The following AK8 variants were observed in gnomAD, a reference collection of about 807,000 sequenced individuals.
AK8 encodes the protein ATP-AMP transphosphorylase 8.
A neutral mutation model predicts 54.6 loss-of-function variants in AK8; 44 were observed. The ratio of observed to expected loss-of-function variants is 0.81; its 90% CI spans 0.63 to 1.04. AK8 has a LOEUF of 1.04. Ranked by LOEUF, AK8 falls within the 50% of genes least tolerant of loss-of-function variation. The pLI is 0.00. For missense variants in AK8, 555 were observed against 613.6 expected (o/e 0.90, Z 1.01); for synonymous variants, 239 against 245.6 (o/e 0.97, Z 0.25).
rs1838951132 is a variant in AK8 at position 132,770,962 on chromosome 9, T to C, written c.1121+21672A>G. On this transcript the variant is annotated intron_variant, in intron 11 of 12. Coordinates refer to ENST00000298545, the MANE Select transcript of AK8 (RefSeq NM_152572.3). The surrounding 1 kb of genome is among the most constrained non-coding windows in gnomAD (Gnocchi z 4.3). Reference sequence around the variant, plus strand: ...GCCTCGGCAAACGCAGCACAGGAGATGGGAGGGTCTGGCTGAGCAGGGGGC... The same window carrying C: ...GCCTCGGCAAACGCAGCACAGGAGACGGGAGGGTCTGGCTGAGCAGGGGGC... 6.6e-6 allele frequency among the ~76,000 whole-genome samples: 1 copy of C among 151,778 alleles called. No individual in the cohort carries two copies. The highest frequency in any genetic ancestry group is 1.5e-5 in the Non-Finnish European group (1 of 67,902).
chr9:132,761,010 CT>C (rs1375106995), intron 11 of AK8, among the ~76,000 whole-genome samples: 6 of 151,978 alleles, frequency 3.9e-5, no homozygotes, highest in African/African-American at 1.4e-4. Context: ...TTTATATTAT[CT>C]TTGGGTTTCA....
chr9:132,726,166 G>C (rs186117135), intron 12 of AK8, among the ~76,000 whole-genome samples: 1 of 152,228 alleles, frequency 6.6e-6, no homozygotes, highest in East Asian at 1.9e-4. Context: ...TAGGAGGACA[G>C]AATACAATCA....
intron 11 of AK8, among the ~76,000 whole-genome samples, chr9:132,732,241 G>C (rs987774230): frequency 6.6e-6 from 1 of 152,080 alleles, no homozygotes; most frequent in Non-Finnish European, 1.5e-5. Flanking sequence ...TTGGGATTTT[G>C]ATCTTTCAGC....
intron 11 of AK8, among the ~76,000 whole-genome samples, chr9:132,764,761 G>A (rs1446225222): frequency 2.0e-5 from 3 of 152,144 alleles, no homozygotes; most frequent in African/African-American, 7.2e-5. Context: ...TGATAGTAAT[G>A]GCCAAAACCA....
At chr9:132,783,589 A>AAG (rs201101231) in intron 11 of AK8, among the ~76,000 whole-genome samples, 66 of 152,018 alleles carry the variant, frequency 4.3e-4, no homozygotes, top group African/African-American at 1.5e-3. Context: ...AAAAAAAAAA[A>AAG]AGAGAGAGAG....
chr9:132,849,825 C>A (rs1842898861), intron 5 of AK8, among the ~76,000 whole-genome samples: 1 of 151,904 alleles, frequency 6.6e-6, no homozygotes. Flanking sequence ...CGGCTCACTG[C>A]AACCTCCTCC....
chr9:132,733,565 G>C (rs1351403058), intron 11 of AK8, among the ~76,000 whole-genome samples: 4 of 152,232 alleles, frequency 2.6e-5, no homozygotes, highest in Non-Finnish European at 5.9e-5. Context: ...ACACCAAATG[G>C]GTGCTTGGAG....
intron 11 of AK8, among the ~76,000 whole-genome samples, chr9:132,729,875 C>T (rs1261959287): frequency 1.3e-5 from 2 of 152,192 alleles, no homozygotes; most frequent in Non-Finnish European, 2.9e-5. Context: ...AGAAGCACCT[C>T]TACGTGCGGA....
intron 3 of AK8, among the ~76,000 whole-genome samples, chr9:132,866,168 A>G (rs910768616): frequency 6.6e-6 from 1 of 152,258 alleles, no homozygotes; most frequent in African/African-American, 2.4e-5. Flanking sequence ...ACTGCATTCC[A>G]GCCTGTGTGA....
At chr9:132,820,979 T>C (rs1448195662) in intron 9 of AK8, among the ~76,000 whole-genome samples, 1 of 152,168 alleles carries the variant, frequency 6.6e-6, no homozygotes, top group Non-Finnish European at 1.5e-5. Flanking sequence ...TGAGATAGTC[T>C]CCAAATGCTT....
intron 5 of AK8, among the ~76,000 whole-genome samples, chr9:132,833,879 G>C (rs1233459601): frequency 6.6e-6 from 1 of 152,264 alleles, no homozygotes; most frequent in East Asian, 1.9e-4. Flanking sequence ...CTTCACATGG[G>C]AAGGCTCTGT....
chr9:132,809,153 C>T (rs575796804), intron 10 of AK8, among the ~76,000 whole-genome samples: 4 of 152,246 alleles, frequency 2.6e-5, no homozygotes, highest in Admixed American at 2.0e-4. Flanking sequence ...CCAGGAATGC[C>T]GCTGGCACCC....
At chr9:132,867,666 G>A (rs1843660390) in intron 2 of AK8, among the ~76,000 whole-genome samples, 2 of 152,226 alleles carry the variant, frequency 1.3e-5, no homozygotes, top group African/African-American at 4.8e-5. Context: ...CGTGGAAGCT[G>A]GGAAGGCATT....
chr9:132,792,873 AGTGG>A, intron 10 of AK8, 98 bp from the exon 11 acceptor site: 3 of 1,442,428 alleles, frequency 2.1e-6, no homozygotes, highest in Non-Finnish European at 2.8e-6. Flanking sequence ...CTGCTGAAGA[AGTGG>A]GTCTAGGTGG....
chr9:132,827,857 G>C (rs1841937421), intron 7 of AK8, 156 bp downstream of exon 7: 2 of 669,116 alleles, frequency 3.0e-6, no homozygotes, highest in African/African-American at 1.8e-5. Context: ...ACCCTTGCCA[G>C]TGTCTTCCAG....
At chr9:132,753,034 T>C (rs1838018925) in intron 11 of AK8, among the ~76,000 whole-genome samples, 1 of 152,230 alleles carries the variant, frequency 6.6e-6, no homozygotes, top group African/African-American at 2.4e-5. Context: ...TAAATACTTC[T>C]GGAGCGAACA....
intron 11 of AK8, among the ~76,000 whole-genome samples, chr9:132,782,310 T>A (rs1286907129): frequency 6.6e-6 from 1 of 152,172 alleles, no homozygotes; most frequent in East Asian, 1.9e-4. Context: ...GACCTGTTAA[T>A]GACACCCTGC....
At chr9:132,736,953 T>C (rs1837149946) in intron 11 of AK8, among the ~76,000 whole-genome samples, 2 of 151,904 alleles carry the variant, frequency 1.3e-5, no homozygotes, top group South Asian at 2.1e-4. Context: ...GAAAGTAGAA[T>C]GGGGCTTCCA....
chr9:132,775,167 G>C (rs1314951662), intron 11 of AK8, among the ~76,000 whole-genome samples: 1 of 152,212 alleles, frequency 6.6e-6, no homozygotes, highest in Non-Finnish European at 1.5e-5. Context: ...CCAAGAGTCA[G>C]CAGGAAAGTT....
Sources: gnomAD v4.1 joint callset for allele counts (sites outside exome capture counted in the v4.1 genomes callset) on GRCh38, gnomAD v4.1.1 for gene constraint, Gnocchi (gnomAD v3.1) non-coding constraint, MANE v1.5 for transcripts, NCBI Gene and HGNC (gene_info 2026-07-23, HGNC 2026-07-21) for gene names.